The following CLVS1 variants were observed in gnomAD, a reference collection of about 807,000 sequenced individuals.
The protein encoded by CLVS1 is clavesin-1.
Under a neutral mutation model 33.1 loss-of-function variants are expected in CLVS1, and 10 were observed. That is an observed-to-expected ratio of 0.30 (90% CI 0.19 to 0.51). The LOEUF is 0.51. CLVS1 is among the 20% of genes least tolerant of loss of function. The pLI, the probability that CLVS1 is intolerant of heterozygous loss-of-function variation, is 0.97. For synonymous variants in CLVS1, 163 were observed against 166.1 expected, an observed-to-expected ratio of 0.98 and a Z score of 0.14; for missense variants, 343 against 433.4, an observed-to-expected ratio of 0.79 and a Z score of 1.85.
At position 61,499,581 on chromosome 8, in the gene CLVS1, A is replaced by C; in HGVS notation, c.*39A>C. Reference sequence around the variant, plus strand: ...CCAATGCTCCTGCACACTGGCCTTCAGTGGTATCAGCCACCCAGGAAGCAC... The same window carrying C: ...CCAATGCTCCTGCACACTGGCCTTCCGTGGTATCAGCCACCCAGGAAGCAC... On this transcript the variant is annotated 3_prime_UTR_variant, in exon 6 of 6. Coordinates refer to ENST00000325897, the MANE Select transcript of CLVS1 (RefSeq NM_173519.3). 1.3e-6 allele frequency: 2 copies of C among 1,510,080 alleles called. No individual in the cohort carries two copies. Among genetic ancestry groups the C allele is most frequent in the East Asian group, 2.3e-5 (1 of 44,184 alleles). The allele number at this position is 1,510,080 out of a possible 1,614,324, so 93.5% of individuals were successfully genotyped here. A position where few individuals can be genotyped will look rare whatever the true frequency, so the allele number is the denominator to read the frequency against.
chr8:61,400,769 T>G (rs1021724477), intron 3 of CLVS1, among the ~76,000 whole-genome samples: 4 of 152,172 alleles, frequency 2.6e-5, no homozygotes, highest in Non-Finnish European at 5.9e-5. Flanking sequence ...TCGAAGGCCT[T>G]TTCTGTGTCG....
At chr8:61,243,617 T>C (rs1456755287) in intron 2 of CLVS1, among the ~76,000 whole-genome samples, 1 of 152,218 alleles carries the variant, frequency 6.6e-6, no homozygotes, top group Non-Finnish European at 1.5e-5. Flanking sequence ...GTGATAAATT[T>C]GTTGGCATAA....
At chr8:61,367,128 A>G (rs1486043843) in intron 2 of CLVS1, among the ~76,000 whole-genome samples, 1 of 151,924 alleles carries the variant, frequency 6.6e-6, no homozygotes, top group Non-Finnish European at 1.5e-5. Context: ...AGTGTATTGC[A>G]TCACTTCCCT....
intron 1 of CLVS1, 141 bp downstream of exon 1, chr8:61,288,279 TC>T (rs1051402501): frequency 8.8e-5 from 40 of 456,182 alleles, no homozygotes; most frequent in Non-Finnish European, 1.5e-4. Flanking sequence ...ACTCCATCCC[TC>T]CCGCACCGCA....
At chr8:61,408,367 G>GA (rs1369315381) in intron 3 of CLVS1, among the ~76,000 whole-genome samples, 1 of 152,202 alleles carries the variant, frequency 6.6e-6, no homozygotes, top group East Asian at 1.9e-4. Context: ...AAGGCCTTTA[G>GA]AAAAATAGTT....
At chr8:61,028,206 T>C in the CLVS1 span, among the ~76,000 whole-genome samples, 1 of 152,204 alleles carries the variant, frequency 6.6e-6, no homozygotes, top group African/African-American at 2.4e-5. Context: ...TGGAAGGGGA[T>C]GTCGGGAGGA....
At chr8:61,450,497 C>A (rs73685045) in intron 3 of CLVS1, among the ~76,000 whole-genome samples, 2,883 of 152,216 alleles carry the variant, frequency 0.019, 90 homozygotes, top group African/African-American at 0.067. Flanking sequence ...TCACAGAGGG[C>A]CCTGGTCACT....
chr8:61,236,605 C>T (rs1009977460), intron 2 of CLVS1, among the ~76,000 whole-genome samples: 5 of 152,120 alleles, frequency 3.3e-5, no homozygotes, highest in Non-Finnish European at 7.4e-5. Flanking sequence ...GGGTGGGCAG[C>T]CTTTTTCTTT....
intron 3 of CLVS1, among the ~76,000 whole-genome samples, chr8:61,423,205 G>T (rs1352866444): frequency 6.6e-6 from 1 of 152,076 alleles, no homozygotes; most frequent in African/African-American, 2.4e-5. Context: ...CTTTTTCCCA[G>T]TCTGTGGCAT....
chr8:61,086,955 T>A (rs1372063198), intron 1 of CLVS1, among the ~76,000 whole-genome samples: 1 of 152,210 alleles, frequency 6.6e-6, no homozygotes, highest in Non-Finnish European at 1.5e-5. Flanking sequence ...TGATAGTTGC[T>A]GTGCTGGTAT....
intron 2 of CLVS1, among the ~76,000 whole-genome samples, chr8:61,259,920 G>A (rs968585065): frequency 1.3e-5 from 2 of 152,192 alleles, no homozygotes; most frequent in African/African-American, 4.8e-5. Flanking sequence ...AGAGTCTGCA[G>A]CACCACCTTA....
At chr8:61,083,116 G>T (rs1392045718) in intron 1 of CLVS1, among the ~76,000 whole-genome samples, 1 of 152,198 alleles carries the variant, frequency 6.6e-6, no homozygotes, top group Non-Finnish European at 1.5e-5. Flanking sequence ...AATGTTGTAA[G>T]TAGGAAAACA....
intron 2 of CLVS1, among the ~76,000 whole-genome samples, chr8:61,305,535 G>T (rs1364544461): frequency 6.6e-6 from 1 of 151,928 alleles, no homozygotes; most frequent in African/African-American, 2.4e-5. Context: ...ATAATATTTT[G>T]TTGTATGTAT....
the CLVS1 span, among the ~76,000 whole-genome samples, chr8:61,007,713 G>A: frequency 6.6e-6 from 1 of 152,270 alleles, no homozygotes; most frequent in Admixed American, 6.5e-5. Flanking sequence ...ATAAACACGG[G>A]CACCTGCCAC....
intron 3 of CLVS1, among the ~76,000 whole-genome samples, chr8:61,441,923 A>G (rs1057023761): frequency 6.6e-6 from 1 of 152,230 alleles, no homozygotes; most frequent in South Asian, 2.1e-4. Flanking sequence ...ACTGAAATGT[A>G]TCTTGTGCCT....
chr8:60,983,756 G>T, the CLVS1 span, among the ~76,000 whole-genome samples: 1 of 152,202 alleles, frequency 6.6e-6, no homozygotes, highest in Non-Finnish European at 1.5e-5. Context: ...ACGTAATTGT[G>T]CACACAGTGT....
intron 2 of CLVS1, among the ~76,000 whole-genome samples, chr8:61,366,200 A>G (rs1813204650): frequency 6.6e-6 from 1 of 152,140 alleles, no homozygotes; most frequent in Non-Finnish European, 1.5e-5. Context: ...CTCTATCCAG[A>G]GAGCTACATG....
intron 2 of CLVS1, among the ~76,000 whole-genome samples, chr8:61,367,153 C>G (rs998067441): frequency 6.6e-6 from 1 of 152,074 alleles, no homozygotes; most frequent in Non-Finnish European, 1.5e-5. Flanking sequence ...TGGAGCTGCT[C>G]GACTCCAGTC....
chr8:61,143,828 A>G (rs1481941562), intron 2 of CLVS1, among the ~76,000 whole-genome samples: 1 of 147,588 alleles, frequency 6.8e-6, no homozygotes, highest in African/African-American at 2.5e-5. Context: ...CATATATAAT[A>G]TGTATATATT....
Sources: allele counts gnomAD v4.1 joint callset (sites outside exome capture counted in the v4.1 genomes callset), GRCh38; gene constraint gnomAD v4.1.1; transcripts MANE v1.5; gene names NCBI Gene and HGNC (gene_info 2026-07-23, HGNC 2026-07-21).